Variants in FNDC1 observed in about 807,000 individuals in gnomAD.
FNDC1 encodes fibronectin type III domain containing 1.
Under a neutral mutation model 168.0 loss-of-function variants are expected in FNDC1, and 96 were observed. That is an observed-to-expected ratio of 0.57 (90% CI 0.48 to 0.68). The LOEUF (loss-of-function observed/expected upper bound fraction) is 0.68. Ranked by LOEUF, FNDC1 falls within the 30% of genes least tolerant of loss-of-function variation. The pLI is 0.00. For synonymous variants in FNDC1, 1,099 were observed against 1,025.9 expected (o/e 1.07, Z -1.36); for missense variants, 2,587 against 2,482.1 (o/e 1.04, Z -0.90).
intron 12 of FNDC1, among the ~76,000 whole-genome samples, chr6:159,237,518 G>A (rs956521479): frequency 1.3e-5 from 2 of 152,170 alleles, no homozygotes; most frequent in Admixed American, 1.3e-4. Context: ...TCCTTAGAAT[G>A]TGACGTTTTC....
chr6:159,268,042 G>C (rs767035029), intron 22 of FNDC1, 116 bp downstream of exon 22: 64 of 1,063,952 alleles, frequency 6.0e-5, no homozygotes, highest in Non-Finnish European at 8.8e-5. Flanking sequence ...TGGATGTTGG[G>C]AGCACTTAAG....
chr6:159,270,242 ACAACAGACTGGG>A (rs1777714669), intron 22 of FNDC1, among the ~76,000 whole-genome samples: 1 of 152,212 alleles, frequency 6.6e-6, no homozygotes, highest in African/African-American at 2.4e-5. Flanking sequence ...CTGCAAGAGG[ACAACAGACTGGG>A]TAACATAGCA....
chr6:159,238,968 A>G (rs1783331856), intron 13 of FNDC1, among the ~76,000 whole-genome samples: 1 of 152,196 alleles, frequency 6.6e-6, no homozygotes, highest in Non-Finnish European at 1.5e-5. Flanking sequence ...CTATTTTTGT[A>G]AGACCCATGA....
chr6:159,200,030 A>T lies in FNDC1; in HGVS notation c.339A>T (p.Ala113=), dbSNP rs1782339586. The stretch of plus-strand genomic sequence containing the variant: ...TAGTGTACTTTGTGCTGCTTACTGC[A>T]GAAAACCACAGTGGAGTGAGCCGTC... ...PGVVYFVLLT[A]ENHSGVSRPV... is the part of the protein sequence containing the mutation. Residue 113 remains alanine (A), a synonymous_variant, in exon 3 of 23, where the codon GCA becomes GCT. Coordinates refer to ENST00000297267, the MANE Select transcript of FNDC1 (RefSeq NM_032532.3). 6.2e-7 allele frequency: 1 copy of T among 1,606,538 alleles called. No individual in the cohort carries two copies. The highest frequency in any genetic ancestry group is 1.1e-5 in the South Asian group (1 of 88,990).
rs1310461512 is a variant in FNDC1 at position 159,246,970 on chromosome 6, G to A, written c.4690+1G>A. The A allele has an allele frequency of 2.0e-6, 3 of 1,484,156 alleles. No individual in the cohort carries two copies. Among genetic ancestry groups the A allele is most frequent in the Non-Finnish European group, 2.8e-6 (3 of 1,066,030 alleles). 91.9% of individuals were successfully genotyped at this position (1,484,156 alleles called of 1,614,324 possible). On this transcript the variant is annotated splice_donor_variant, in intron 15 of 22. Transcript: ENST00000297267. LOFTEE classifies it high-confidence loss of function. Reference sequence around the variant, plus strand: ...GAGGCCTACGTTATATATGATGAAGGTACAAACTGGCTTTTGAAAAATTAT... The same window carrying A: ...GAGGCCTACGTTATATATGATGAAGATACAAACTGGCTTTTGAAAAATTAT...
intron 2 of FNDC1, among the ~76,000 whole-genome samples, chr6:159,199,308 G>A (rs561585772): frequency 6.6e-6 from 1 of 152,272 alleles, no homozygotes; most frequent in East Asian, 1.9e-4. Context: ...TAGGAGCTCA[G>A]CCCAAGAGAC....
chr6:159,203,495 C>T (rs755252572), intron 4 of FNDC1, among the ~76,000 whole-genome samples: 46 of 152,134 alleles, frequency 3.0e-4, no homozygotes, highest in Non-Finnish European at 4.3e-4. Context: ...AACCTCTCAG[C>T]ACTCAGGAAA....
intron 2 of FNDC1, among the ~76,000 whole-genome samples, chr6:159,198,417 C>T (rs369637832): frequency 1.3e-5 from 2 of 152,346 alleles, no homozygotes; most frequent in South Asian, 4.1e-4. Context: ...GCTGACCACA[C>T]TTACTCCTTC....
rs1296102984 is a variant in FNDC1, at chr6:159,233,030, G to A, written c.2518G>A (p.Gly840Arg). The A allele has an allele frequency of 6.2e-7, 1 of 1,612,194 alleles. No homozygotes were observed. Among genetic ancestry groups the A allele is most frequent in the Non-Finnish European group, 8.5e-7 (1 of 1,179,312 alleles). The change falls in exon 11 of 23, where the codon GGA (glycine) becomes AGA (arginine). Residue 840 changes from glycine to arginine, a missense_variant. Transcript: ENST00000297267. This position sits in a 1 kb window ranked among gnomAD's most constrained non-coding sequence, Gnocchi z 4.6. Reference sequence around the variant, plus strand: ...TCCAAGCAGGTTCAGCATTGGGCGGGGACCTCGGCTGCAGCCCTCCAGCTC... The same window carrying A: ...TCCAAGCAGGTTCAGCATTGGGCGGAGACCTCGGCTGCAGCCCTCCAGCTC... Reference protein sequence around the residue: ...RSPSRFSIGRGPRLQPSSSPQ... With the variant: ...RSPSRFSIGRRPRLQPSSSPQ...
intron 19 of FNDC1, among the ~76,000 whole-genome samples, chr6:159,264,745 T>A (rs1465759878): frequency 6.6e-6 from 1 of 152,222 alleles, no homozygotes; most frequent in African/African-American, 2.4e-5. Context: ...CCTTACTATT[T>A]TCAGGGATCC....
At position 159,170,734 on chromosome 6, in the gene FNDC1, T is replaced by G. The variant is rs377229976; in HGVS notation, c.109+1029T>G. Among the ~76,000 whole-genome samples, 106 of 152,322 alleles carry G rather than the reference T, an allele frequency of 7.0e-4. No homozygotes were observed. In the Middle Eastern group the frequency reaches 0.017, roughly 24 times the overall value. ...CATTACTTTGTGACTTTTTGGTAGA[T>G]ACATCATCCCAATGCTTGGCTCAGG... On this transcript the variant is annotated intron_variant, in intron 1 of 22. Transcript: ENST00000297267.
At position 159,177,702 on chromosome 6, in the gene FNDC1, C is replaced by T. The variant is rs370508992; in HGVS notation, c.109+7997C>T. Among the ~76,000 whole-genome samples the T allele has an allele frequency of 3.8e-3, 581 of 152,232 alleles. 2 individuals carry two copies. Among genetic ancestry groups the T allele is most frequent in the African/African-American group, 0.013 (540 of 41,524 alleles). On this transcript the variant is annotated intron_variant, in intron 1 of 22. Transcript: ENST00000297267. ...ATAAAATCCCCCTGCAGAGAAGGCT[C>T]GGCCTCCTCTGATGGATGTGTGCTC...
chr6:159,233,499 T>C lies in FNDC1; in HGVS notation c.2987T>C (p.Met996Thr), dbSNP rs1330982513. Reference protein sequence around the residue: ...SQQHPSVPRRMTPGRAPQQQP... With the variant: ...SQQHPSVPRRTTPGRAPQQQP... ...CAGCATCCCAGTGTTCCCAGAAGGA[T>C]GACACCCGGCCGGGCCCCACAACAG... The change falls in exon 11 of 23, where the codon ATG becomes ACG. Residue 996 changes from methionine (M) to threonine (T), a missense_variant. Coordinates refer to ENST00000297267, the MANE Select transcript of FNDC1 (RefSeq NM_032532.3). This position sits in a 1 kb window ranked among gnomAD's most constrained non-coding sequence, Gnocchi z 4.6. The C allele has an allele frequency of 6.2e-7, 1 of 1,603,976 alleles. No homozygotes were observed. Among genetic ancestry groups the C allele is most frequent in the Admixed American group, 1.7e-5 (1 of 59,580 alleles).
chr6:159,214,986 T>C lies in FNDC1; in HGVS notation c.502T>C (p.Ser168Pro). ...PNKPLRVRVRSSDDRLSVAWK... is the reference protein window; with the variant it reads ...PNKPLRVRVRPSDDRLSVAWK... ...CAAGCCCTTGCGTGTGCGTGTCCGG[T>C]CCTCAGATGACAGGCTGTCCGTTGC... Residue 168 changes from serine to proline, a missense_variant, in exon 5 of 23, where the codon TCC becomes CCC. Coordinates refer to ENST00000297267, the MANE Select transcript of FNDC1 (RefSeq NM_032532.3). 3 of 1,613,998 alleles carry C rather than the reference T, an allele frequency of 1.9e-6. No homozygotes were observed. Among genetic ancestry groups the C allele is most frequent in the Non-Finnish European group, 2.5e-6 (3 of 1,179,896 alleles).
At chr6:159,198,131 G>GGAATCTCA (rs1173068076) in intron 2 of FNDC1, among the ~76,000 whole-genome samples, 1 of 152,180 alleles carries the variant, frequency 6.6e-6, no homozygotes, top group African/African-American at 2.4e-5. Context: ...TGGAATATTT[G>GGAATCTCA]AGATTTTGCC....
rs1777145654 is a variant in FNDC1, at chr6:159,246,800, C to T, written c.4622-101C>T. 6 of 794,046 alleles carry T rather than the reference C, an allele frequency of 7.6e-6. No individual in the cohort carries two copies. The East Asian group carries it at 9.8e-5, about 13-fold the overall frequency. The allele number at this position is 794,046 out of a possible 1,614,324, so 49.2% of individuals were successfully genotyped here. ...TGGCCTTGGGGACTTGTTTTCATGA[C>T]CTGCTTGAGGTGAATGAATTGTCAC... is the stretch of plus-strand genomic sequence containing the variant. On this transcript the variant is annotated intron_variant, in intron 14 of 22. Transcript: ENST00000297267.
At chr6:159,237,422 C>T (rs1783286888) in intron 12 of FNDC1, among the ~76,000 whole-genome samples, 1 of 152,168 alleles carries the variant, frequency 6.6e-6, no homozygotes, top group Non-Finnish European at 1.5e-5. Flanking sequence ...GCTTCAGGTC[C>T]AGGACCATGC....
chr6:159,215,321 T>C (rs1312569424), intron 5 of FNDC1, among the ~76,000 whole-genome samples, 170 bp downstream of exon 5: 2 of 152,252 alleles, frequency 1.3e-5, no homozygotes, highest in African/African-American at 2.4e-5. Flanking sequence ...CTGGACGCCA[T>C]CATTTTAACC....
At chr6:159,180,501 A>G (rs1198185899) in intron 1 of FNDC1, among the ~76,000 whole-genome samples, 4 of 152,132 alleles carry the variant, frequency 2.6e-5, no homozygotes, top group Non-Finnish European at 1.5e-5. Flanking sequence ...GTTCCAGGGT[A>G]CATGTGCAGG....
Sources: allele counts gnomAD v4.1 joint callset (sites outside exome capture counted in the v4.1 genomes callset), GRCh38; gene constraint gnomAD v4.1.1; non-coding constraint Gnocchi (gnomAD v3.1); transcripts MANE v1.5; gene names NCBI Gene and HGNC (gene_info 2026-07-23, HGNC 2026-07-21).